KCNH8: variants seen among roughly 807,000 people sequenced by gnomAD.
KCNH8 encodes the protein voltage-gated delayed rectifier potassium channel KCNH8.
In KCNH8, 70 loss-of-function variants were observed where a neutral mutation model predicts 103.6. The ratio of observed to expected loss-of-function variants is 0.68; its 90% confidence interval spans 0.56 to 0.82. The LOEUF (loss-of-function observed/expected upper bound fraction) is 0.82. Ranked by LOEUF, KCNH8 falls within the 40% of genes least tolerant of loss-of-function variation. KCNH8 has a pLI of 0.00. For synonymous variants in KCNH8, 498 were observed against 489.4 expected, an observed-to-expected ratio of 1.02 and a Z score of -0.23; for missense variants, 1,217 against 1,329.9, an observed-to-expected ratio of 0.92 and a Z score of 1.32.
Position 19,429,046 on chromosome 3 carries a change from AAAAC to A in KCNH8, c.1178-9117_1178-9114del, listed in dbSNP as rs1286458105. On this transcript the variant is annotated intron_variant, in intron 7 of 15. Coordinates refer to ENST00000328405, the MANE Select transcript of KCNH8 (RefSeq NM_144633.3). The stretch of plus-strand genomic sequence containing the variant: ...CAATCGCTTCACCAGACGCTGGCTG[AAAAC>A]TTATTTTGGAATGTTCAGGCAAACT... Among the ~76,000 whole-genome samples the A allele has an allele frequency of 8.5e-5, 13 of 152,234 alleles. No individual in the cohort carries two copies. In the East Asian group the frequency reaches 2.5e-3, roughly 29 times the overall value.
chr3:19,269,868 T>C (rs1374703982), intron 2 of KCNH8, among the ~76,000 whole-genome samples: 1 of 152,120 alleles, frequency 6.6e-6, no homozygotes, highest in Non-Finnish European at 1.5e-5. Flanking sequence ...GGAAAGAAAA[T>C]GTCTAGCCTT....
chr3:19,258,925 CTCTCTCTCTCTCTCTCTCTCTCTATATA>C (rs1368110553), intron 2 of KCNH8, among the ~76,000 whole-genome samples: 15 of 79,008 alleles, frequency 1.9e-4, no homozygotes, highest in African/African-American at 6.6e-4. Context: ...CTCTCTCTCT[CTCTCTCTCTCTCTCTCTCTCTCTATATA>C]TATATATATA....
chr3:19,401,383 A>G (rs2066610743), intron 7 of KCNH8, among the ~76,000 whole-genome samples: 1 of 152,002 alleles, frequency 6.6e-6, no homozygotes, highest in African/African-American at 2.4e-5. Context: ...CTGCAAATTT[A>G]TTTGGACATA....
At chr3:19,287,326 G>A (rs1323974580) in intron 3 of KCNH8, among the ~76,000 whole-genome samples, 1 of 152,140 alleles carries the variant, frequency 6.6e-6, no homozygotes, top group Non-Finnish European at 1.5e-5. Context: ...TGAGGACAGA[G>A]ATGTGCCCAT....
intron 11 of KCNH8, among the ~76,000 whole-genome samples, chr3:19,478,875 G>A (rs1413220695): frequency 3.3e-5 from 5 of 152,064 alleles, no homozygotes; most frequent in African/African-American, 1.2e-4. Flanking sequence ...GAAAAATCCT[G>A]AGACCACAAA....
At chr3:19,450,075 CT>C in intron 8 of KCNH8, 30 bp from the exon 9 acceptor site, 1 of 1,584,576 alleles carries the variant, frequency 6.3e-7, no homozygotes, top group Non-Finnish European at 8.6e-7. Context: ...TCACATTTCT[CT>C]TCCATTATAT....
At chr3:19,190,000 G>A (rs57555741) in intron 1 of KCNH8, among the ~76,000 whole-genome samples, 18,270 of 151,878 alleles carry the variant, frequency 0.12, 3,627 homozygotes, top group African/African-American at 0.41. Flanking sequence ...TATTTGATCA[G>A]TTGATTTTGG....
intron 5 of KCNH8, among the ~76,000 whole-genome samples, chr3:19,373,006 G>T (rs980896526): frequency 1.3e-5 from 2 of 151,672 alleles, no homozygotes; most frequent in Non-Finnish European, 2.9e-5. Flanking sequence ...TGCTGGATTC[G>T]TTTTGCCAGT....
At chr3:19,150,380 T>G (rs1250040503) in intron 1 of KCNH8, among the ~76,000 whole-genome samples, 2 of 152,030 alleles carry the variant, frequency 1.3e-5, no homozygotes, top group Non-Finnish European at 2.9e-5. Flanking sequence ...CATCCAAAAC[T>G]AAAAGGCTGT....
intron 5 of KCNH8, among the ~76,000 whole-genome samples, chr3:19,378,890 A>G (rs2066249358): frequency 6.6e-6 from 1 of 152,216 alleles, no homozygotes; most frequent in Non-Finnish European, 1.5e-5. Flanking sequence ...CACAGTCCCT[A>G]GAGTTTAGCT....
chr3:19,483,146 G>C (rs546765136), intron 11 of KCNH8, among the ~76,000 whole-genome samples: 5 of 152,082 alleles, frequency 3.3e-5, no homozygotes, highest in Non-Finnish European at 5.9e-5. Context: ...GATGGTTTAA[G>C]AGTGCCAATA....
intron 5 of KCNH8, among the ~76,000 whole-genome samples, chr3:19,364,300 A>T (rs2065982977): frequency 6.6e-6 from 1 of 152,056 alleles, no homozygotes; most frequent in Admixed American, 6.6e-5. Flanking sequence ...TTAGCCATTC[A>T]CGCTAATCTA....
At chr3:19,353,888 A>G (rs577267918) in intron 5 of KCNH8, among the ~76,000 whole-genome samples, 11 of 152,306 alleles carry the variant, frequency 7.2e-5, no homozygotes, top group Middle Eastern at 3.4e-3. Context: ...GGCCAGGGCA[A>G]TCAGGCAGGA....
intron 1 of KCNH8, among the ~76,000 whole-genome samples, chr3:19,242,666 T>C (rs143457714): frequency 6.6e-6 from 1 of 152,270 alleles, no homozygotes; most frequent in Non-Finnish European, 1.5e-5. Context: ...CCCCCTTCCA[T>C]TAGAGCAGAA....
At chr3:19,179,690 A>T (rs2063432729) in intron 1 of KCNH8, among the ~76,000 whole-genome samples, 1 of 152,136 alleles carries the variant, frequency 6.6e-6, no homozygotes, top group Non-Finnish European at 1.5e-5. Context: ...AGTGTTATTT[A>T]AGTAAAGTCG....
At chr3:19,166,297 T>C (rs531214759) in intron 1 of KCNH8, among the ~76,000 whole-genome samples, 8 of 152,318 alleles carry the variant, frequency 5.3e-5, no homozygotes, top group African/African-American at 1.9e-4. Context: ...GTGAATGCCA[T>C]AGAATACAAA....
In KCNH8 at chr3:19,533,576, G is replaced by T. The variant is rs1387013848; in HGVS notation, c.2801G>T (p.Cys934Phe). Residue 934 changes from cysteine to phenylalanine, a missense_variant, in exon 16 of 16, where the codon TGC becomes TTC. By Grantham distance (205) the Cys-to-Phe change is radical. Around this residue, in one of 3 missense-constraint regions of KCNH8, gnomAD observed 558 missense variants for 495.8 expected, o/e 1.13. Transcript: ENST00000328405. Reference protein sequence around the residue: ...TRTSWSAHQPCLHLQTGGAAY... With the variant: ...TRTSWSAHQPFLHLQTGGAAY... ...ACGAGCTGGAGTGCACACCAGCCTT[G>T]CCTACACTTGCAAACAGGCGGGGCT... 1 of 1,614,180 alleles carries T rather than the reference G, an allele frequency of 6.2e-7. No individual in the cohort carries two copies. The highest frequency in any genetic ancestry group is 2.2e-5 in the East Asian group (1 of 44,840).
intron 1 of KCNH8, among the ~76,000 whole-genome samples, chr3:19,252,541 C>A (rs372467017): frequency 6.6e-6 from 1 of 152,002 alleles, no homozygotes. Context: ...AGGGGCCCAC[C>A]ACCATGCCGG....
At chr3:19,153,583 A>G (rs9817972) in intron 1 of KCNH8, among the ~76,000 whole-genome samples, 3,250 of 147,310 alleles carry the variant, frequency 0.022, 95 homozygotes, top group African/African-American at 0.075. Flanking sequence ...TTATTCATTC[A>G]CTCAATCATT....
Sources: allele counts gnomAD v4.1 joint callset (sites outside exome capture counted in the v4.1 genomes callset), GRCh38; gene constraint gnomAD v4.1.1; regional missense constraint gnomAD v4.1.1; transcripts MANE v1.5; gene names NCBI Gene and HGNC (gene_info 2026-07-23, HGNC 2026-07-21).